The following NT5DC3 variants were observed in gnomAD, a reference collection of about 807,000 sequenced individuals.
NT5DC3 encodes the protein 5'-nucleotidase domain-containing protein 3.
Under a neutral mutation model 67.8 loss-of-function variants are expected in NT5DC3, and 42 were observed. That is an observed-to-expected ratio of 0.62 (90% CI 0.48 to 0.80). The LOEUF is 0.80. Among genes scored for constraint, NT5DC3 ranks in the 30% least tolerant of loss-of-function variants. The pLI is 0.00. For missense variants in NT5DC3, 570 were observed against 696.4 expected, an observed-to-expected ratio of 0.82 and a Z score of 2.04; for synonymous variants, 237 against 255.6, an observed-to-expected ratio of 0.93 and a Z score of 0.69.
chr12:103,747,451 C>G, the NT5DC3 span, among the ~76,000 whole-genome samples: 1 of 152,180 alleles, frequency 6.6e-6, no homozygotes, highest in Non-Finnish European at 1.5e-5. Context: ...GTGGCTCTGC[C>G]ATCGTTCACT....
At chr12:103,771,976 C>A (rs1473619902), downstream of NT5DC3, among the ~76,000 whole-genome samples, 2 of 151,794 alleles carry the variant, frequency 1.3e-5, no homozygotes, top group Non-Finnish European at 2.9e-5. Flanking sequence ...GGCAGGTGAT[C>A]GAAGGGAGGA....
intron 1 of NT5DC3, among the ~76,000 whole-genome samples, chr12:103,815,582 C>A (rs1239164879): frequency 6.6e-6 from 1 of 151,818 alleles, no homozygotes; most frequent in Admixed American, 6.6e-5. Flanking sequence ...CCATCACACC[C>A]TACTAATTTT....
At chr12:103,763,722 A>T in the NT5DC3 span, 1 of 1,040,680 alleles carries the variant, frequency 9.6e-7, no homozygotes, top group South Asian at 1.6e-5. Context: ...TCTAGAATGT[A>T]TGTCAGGTAA....
chr12:103,791,979 T>C (rs1886086521), intron 9 of NT5DC3, among the ~76,000 whole-genome samples: 1 of 152,230 alleles, frequency 6.6e-6, no homozygotes, highest in Admixed American at 6.5e-5. Flanking sequence ...TTGGGGACCC[T>C]GTGCCATAGG....
downstream of NT5DC3, chr12:103,766,173 C>T (rs778863265): frequency 8.7e-5 from 120 of 1,371,950 alleles, no homozygotes; most frequent in Middle Eastern, 5.4e-4. Flanking sequence ...CCAGCACATA[C>T]GTGTTCACAG....
intron 8 of NT5DC3, 47 bp from the exon 9 acceptor site, chr12:103,793,312 CTG>C: frequency 6.4e-7 from 1 of 1,564,266 alleles, no homozygotes. Flanking sequence ...AAGAGATTAA[CTG>C]TGTCTGTAAC....
the NT5DC3 span, among the ~76,000 whole-genome samples, chr12:103,747,693 T>C: frequency 2.0e-5 from 3 of 152,048 alleles, no homozygotes; most frequent in Non-Finnish European, 4.4e-5. Flanking sequence ...AAATCTATTA[T>C]TACAGAAAAA....
At chr12:103,771,683 T>G (rs1885186029), downstream of NT5DC3, among the ~76,000 whole-genome samples, 1 of 152,220 alleles carries the variant, frequency 6.6e-6, no homozygotes, top group African/African-American at 2.4e-5. Context: ...TGGGTTGAGC[T>G]GAGCTCAGGC....
the NT5DC3 span, among the ~76,000 whole-genome samples, chr12:103,749,841 C>CCAAAAAAA: frequency 2.0e-5 from 1 of 51,132 alleles, no homozygotes; most frequent in East Asian, 6.3e-4. Flanking sequence ...CTCTGTCTCA[C>CCAAAAAAA]AAAAAAAAAA....
chr12:103,779,450 G>A (rs965398256), intron 13 of NT5DC3, among the ~76,000 whole-genome samples: 1 of 152,206 alleles, frequency 6.6e-6, no homozygotes, highest in African/African-American at 2.4e-5. Context: ...TTAGTTGGTA[G>A]CAGTTAGAAT....
At chr12:103,747,112 G>A in the NT5DC3 span, among the ~76,000 whole-genome samples, 8 of 151,680 alleles carry the variant, frequency 5.3e-5, no homozygotes, top group African/African-American at 7.2e-5. Context: ...ATGCGCCACC[G>A]CACCTGGCTA....
chr12:103,753,398 G>A, the NT5DC3 span: 2 of 1,613,096 alleles, frequency 1.2e-6, no homozygotes, highest in Non-Finnish European at 1.7e-6. Flanking sequence ...AGTCTGCAGG[G>A]GCGGAAGTGC....
At chr12:103,749,675 C>CAA in the NT5DC3 span, among the ~76,000 whole-genome samples, 456 of 131,718 alleles carry the variant, frequency 3.5e-3, 3 homozygotes, top group Non-Finnish European at 5.3e-3. Context: ...TAAAAAAATG[C>CAA]AAAAAAAAAA....
rs1438418284 is a variant in NT5DC3, at chr12:103,780,382, A to T, written c.1330-18T>A. On this transcript the variant is annotated intron_variant, in intron 12 of 13. Coordinates refer to ENST00000392876, the MANE Select transcript of NT5DC3 (RefSeq NM_001031701.3). ...CTGTGAACCTGTAGGACACAAGTCAATTATTACAACTGTTTTGATTTCAAA... is the reference window on the plus strand; with the variant it reads ...CTGTGAACCTGTAGGACACAAGTCATTTATTACAACTGTTTTGATTTCAAA... 5 of 1,611,302 alleles carry T rather than the reference A, an allele frequency of 3.1e-6. No homozygotes were observed. In the Admixed American group the frequency reaches 8.3e-5, roughly 27 times the overall value.
chr12:103,781,198 G>A (rs1027116723), intron 12 of NT5DC3, among the ~76,000 whole-genome samples: 1 of 152,172 alleles, frequency 6.6e-6, no homozygotes, highest in Non-Finnish European at 1.5e-5. Flanking sequence ...CAGGGAACAG[G>A]CCAGCTCCCT....
chr12:103,781,439 C>T (rs1394716493), intron 12 of NT5DC3, among the ~76,000 whole-genome samples: 1 of 152,258 alleles, frequency 6.6e-6, no homozygotes, highest in Non-Finnish European at 1.5e-5. Context: ...TGCGCCTTCA[C>T]TCGGCCACCC....
At chr12:103,835,875 T>G (rs897298892) in intron 1 of NT5DC3, among the ~76,000 whole-genome samples, 1 of 152,178 alleles carries the variant, frequency 6.6e-6, no homozygotes, top group Non-Finnish European at 1.5e-5. Context: ...AGAAAAAAGA[T>G]GTTTAACTGG....
chr12:103,827,865 T>G (rs2139459517), intron 1 of NT5DC3, among the ~76,000 whole-genome samples: 1 of 152,362 alleles, frequency 6.6e-6, no homozygotes, highest in South Asian at 2.1e-4. Context: ...TTTTTAAAGC[T>G]TTTGTTTTCC....
Position 103,794,009 on chromosome 12 carries a change from T to C in NT5DC3, c.754-12A>G. Reference sequence around the variant, plus strand: ...TCTCGAATTGAATCCTGCCAAAAGATACATTTTTAATCAGCGAAAATACAA... The same window carrying C: ...TCTCGAATTGAATCCTGCCAAAAGACACATTTTTAATCAGCGAAAATACAA... On this transcript the variant is annotated splice_polypyrimidine_tract_variant and intron_variant, in intron 6 of 13. Coordinates refer to ENST00000392876, the MANE Select transcript of NT5DC3 (RefSeq NM_001031701.3). 6.2e-7 allele frequency: 1 copy of C among 1,611,770 alleles called. No homozygotes were observed. Among genetic ancestry groups the C allele is most frequent in the Non-Finnish European group, 8.5e-7 (1 of 1,177,854 alleles).
Sources: allele counts gnomAD v4.1 joint callset (sites outside exome capture counted in the v4.1 genomes callset), GRCh38; gene constraint gnomAD v4.1.1; transcripts MANE v1.5; gene names NCBI Gene and HGNC (gene_info 2026-07-23, HGNC 2026-07-21).